The following KCNT2 variants were observed in gnomAD, a reference collection of about 807,000 sequenced individuals.
The protein encoded by KCNT2 is potassium sodium-activated channel subfamily T member 2.
KCNT2 carries 67 observed loss-of-function variants against 153.8 expected under a neutral mutation model. That is an observed-to-expected ratio of 0.44 (90% CI 0.36 to 0.53). The LOEUF is 0.53. Ranked by LOEUF, KCNT2 falls within the 20% of genes least tolerant of loss-of-function variation. The pLI is 0.00. For missense variants in KCNT2, 975 were observed against 1,354.8 expected (o/e 0.72, Z 4.40); for synonymous variants, 500 against 458.8 (o/e 1.09, Z -1.15).
chr1:196,227,965 T>C lies in KCNT2; in HGVS notation c.*259A>G, dbSNP rs1653620080. ...TAGAGTTTGGATTATTATAAAACAA[T>C]TAAATGTCAGATTTAAATTTTTGTA... On this transcript the variant is annotated 3_prime_UTR_variant, in exon 28 of 28. Transcript: ENST00000294725. 3 of 288,244 alleles carry C rather than the reference T, an allele frequency of 1.0e-5. No individual in the cohort carries two copies. The East Asian group carries it at 2.0e-4, about 20-fold the overall frequency. The allele number at this position is 288,244 out of a possible 1,614,324, so 17.9% of individuals were successfully genotyped here. A position where few individuals can be genotyped will look rare whatever the true frequency, so the allele number is the denominator to read the frequency against.
intron 16 of KCNT2, among the ~76,000 whole-genome samples, chr1:196,334,483 C>CTTTTTTTTTTTTTTTTT (rs757677685): frequency 3.1e-4 from 13 of 42,358 alleles, no homozygotes; most frequent in Non-Finnish European, 4.3e-4. Context: ...TTCTTTCTTT[C>CTTTTTTTTTTTTTTTTT]TTTCTTTTTT....
At chr1:196,377,647 C>T (rs1669085785) in intron 13 of KCNT2, among the ~76,000 whole-genome samples, 1 of 151,966 alleles carries the variant, frequency 6.6e-6, no homozygotes, top group Non-Finnish European at 1.5e-5. Flanking sequence ...GAACTGATCA[C>T]TTTGCAAGCA....
At position 196,226,386 on chromosome 1, in the gene KCNT2, T is replaced by C. The variant is rs962656947; in HGVS notation, c.*1838A>G. 2.0e-5 allele frequency: 3 copies of C among 152,048 alleles called. No homozygotes were observed. Among genetic ancestry groups the C allele is most frequent in the Non-Finnish European group, 1.5e-5 (1 of 67,878 alleles). The allele number at this position is 152,048 out of a possible 1,614,324, so 9.4% of individuals were successfully genotyped here. A position where few individuals can be genotyped will look rare whatever the true frequency, so the allele number is the denominator to read the frequency against. On this transcript the variant is annotated 3_prime_UTR_variant, in exon 28 of 28. Coordinates refer to ENST00000294725, the MANE Select transcript of KCNT2 (RefSeq NM_198503.5). ...TCTGCCTTCAGTTTTTAACAATTTA[T>C]ATGTGAATGTGTGTGTCAAATATAT...
chr1:196,243,221 T>G (rs1655114025), intron 26 of KCNT2, among the ~76,000 whole-genome samples: 1 of 152,206 alleles, frequency 6.6e-6, no homozygotes, highest in South Asian at 2.1e-4. Flanking sequence ...ATATAGCCAC[T>G]CTAGCTTTCT....
intron 26 of KCNT2, among the ~76,000 whole-genome samples, chr1:196,250,478 A>C (rs531427089): frequency 2.0e-5 from 3 of 152,204 alleles, no homozygotes; most frequent in Non-Finnish European, 4.4e-5. Flanking sequence ...ACAAAAATAA[A>C]TCAAAATTCA....
chr1:196,238,191 T>G (rs144544432), intron 26 of KCNT2, among the ~76,000 whole-genome samples: 27 of 152,040 alleles, frequency 1.8e-4, no homozygotes, highest in African/African-American at 6.3e-4. Context: ...CCTTGATTAT[T>G]AACAGGATAT....
At chr1:196,447,122 A>G (rs10754187) in intron 8 of KCNT2, among the ~76,000 whole-genome samples, 41,004 of 151,326 alleles carry the variant, frequency 0.27, 5,953 homozygotes, top group East Asian at 0.33. Flanking sequence ...TCCATCTTCA[A>G]TGAAATATTT....
chr1:196,305,750 G>A lies in KCNT2; in HGVS notation c.2484-405C>T, dbSNP rs574577299. On this transcript the variant is annotated intron_variant, in intron 21 of 27. Transcript: ENST00000294725. Reference sequence around the variant, plus strand: ...ACATAATGAGCTTCTTGTCTACTATGTGAGCTCTTTCATGTCCTATGGCTC... The same window carrying A: ...ACATAATGAGCTTCTTGTCTACTATATGAGCTCTTTCATGTCCTATGGCTC... 2.6e-5 allele frequency among the ~76,000 whole-genome samples: 4 copies of A among 152,118 alleles called. No homozygotes were observed. In the South Asian group the frequency reaches 6.2e-4, roughly 24 times the overall value.
chr1:196,262,240 T>C (rs1657095671), intron 25 of KCNT2, among the ~76,000 whole-genome samples: 1 of 152,086 alleles, frequency 6.6e-6, no homozygotes, highest in South Asian at 2.1e-4. Context: ...TTCTTGATTT[T>C]TTACTGAACA....
In KCNT2 at chr1:196,286,022, G is replaced by A. The variant is rs535088275; in HGVS notation, c.2596-264C>T. On this transcript the variant is annotated intron_variant, in intron 22 of 27. Coordinates refer to ENST00000294725, the MANE Select transcript of KCNT2 (RefSeq NM_198503.5). ...TGTATTTACTCTTCATACAAGAAGA[G>A]ACATCATAATGGAAACAAATAAAAA... Among the ~76,000 whole-genome samples, 5 of 151,546 alleles carry A rather than the reference G, an allele frequency of 3.3e-5. No homozygotes were observed. In the East Asian group the frequency reaches 5.8e-4, roughly 18 times the overall value.
At chr1:196,539,563 A>G (rs1014043623) in intron 1 of KCNT2, among the ~76,000 whole-genome samples, 19 of 152,156 alleles carry the variant, frequency 1.2e-4, no homozygotes, top group African/African-American at 4.6e-4. Flanking sequence ...GCTGTTTTCA[A>G]TTTAATGGTA....
chr1:196,569,014 TGTGA>T (rs1444761614), intron 1 of KCNT2, among the ~76,000 whole-genome samples: 3 of 152,166 alleles, frequency 2.0e-5, no homozygotes, highest in African/African-American at 7.2e-5. Flanking sequence ...TCATCATTGC[TGTGA>T]GTGTGAATCA....
chr1:196,400,720 G>T (rs1211205434), intron 12 of KCNT2, among the ~76,000 whole-genome samples: 2 of 151,658 alleles, frequency 1.3e-5, no homozygotes, highest in African/African-American at 4.8e-5. Flanking sequence ...AGAAATAGAA[G>T]AGGCCAGGAC....
intron 26 of KCNT2, among the ~76,000 whole-genome samples, chr1:196,239,787 C>G (rs898337390): frequency 3.3e-5 from 5 of 152,016 alleles, no homozygotes; most frequent in Admixed American, 2.0e-4. Context: ...AAGCTAACCA[C>G]CAAGATGACT....
At chr1:196,485,278 A>G (rs577766976) in intron 3 of KCNT2, among the ~76,000 whole-genome samples, 17 of 151,902 alleles carry the variant, frequency 1.1e-4, no homozygotes, top group Admixed American at 2.6e-4. Flanking sequence ...GGGGAACAAC[A>G]CATACCAAGG....
intron 14 of KCNT2, among the ~76,000 whole-genome samples, chr1:196,349,853 C>T (rs1467318107): frequency 3.3e-5 from 5 of 152,038 alleles, no homozygotes; most frequent in Admixed American, 1.3e-4. Context: ...GCTATCCCTC[C>T]CCCCTTCCCC....
chr1:196,493,951 G>A (rs768426494), intron 1 of KCNT2, among the ~76,000 whole-genome samples: 3 of 152,062 alleles, frequency 2.0e-5, no homozygotes, highest in Non-Finnish European at 2.9e-5. Context: ...CTCCAGACTA[G>A]AAGTTGGAAA....
intron 25 of KCNT2, among the ~76,000 whole-genome samples, chr1:196,278,133 T>C (rs1053120306): frequency 6.6e-6 from 1 of 152,146 alleles, no homozygotes; most frequent in Non-Finnish European, 1.5e-5. Context: ...CTTTCATGTA[T>C]CAGACCATAA....
chr1:196,599,446 G>A (rs1487159583), intron 1 of KCNT2, among the ~76,000 whole-genome samples: 1 of 152,104 alleles, frequency 6.6e-6, no homozygotes, highest in Non-Finnish European at 1.5e-5. Context: ...ACTGTTTTCT[G>A]GCTTTATATG....
Sources: gnomAD v4.1 joint callset for allele counts (sites outside exome capture counted in the v4.1 genomes callset) on GRCh38, gnomAD v4.1.1 for gene constraint, MANE v1.5 for transcripts, NCBI Gene and HGNC (gene_info 2026-07-23, HGNC 2026-07-21) for gene names.